Variants in VPS54 observed in about 807,000 individuals in gnomAD.
VPS54 encodes vacuolar protein sorting-associated protein 54.
A neutral mutation model predicts 121.5 loss-of-function variants in VPS54; 45 were observed. The observed-to-expected ratio is 0.37, with a 90% confidence interval of 0.29 to 0.47. The LOEUF is 0.47. Ranked by LOEUF, VPS54 falls within the 20% of genes least tolerant of loss-of-function variation. The pLI, the probability that VPS54 is intolerant of heterozygous loss-of-function variation, is 0.99. For missense variants in VPS54, 1,090 were observed against 1,131.4 expected (o/e 0.96, Z 0.52); for synonymous variants, 371 against 385.8 (o/e 0.96, Z 0.45).
intron 5 of VPS54, among the ~76,000 whole-genome samples, chr2:63,966,732 A>AT (rs1676018761): frequency 6.6e-6 from 1 of 152,170 alleles, no homozygotes; most frequent in Non-Finnish European, 1.5e-5. Flanking sequence ...AAAACCCTTC[A>AT]TTGTTTTTCT....
At chr2:63,928,318 G>A (rs1208759018) in intron 12 of VPS54, among the ~76,000 whole-genome samples, 1 of 152,194 alleles carries the variant, frequency 6.6e-6, no homozygotes, top group African/African-American at 2.4e-5. Context: ...GGATGTCTCT[G>A]CAGAAATCCT....
At chr2:63,932,908 T>C (rs1454637077) in intron 12 of VPS54, among the ~76,000 whole-genome samples, 1 of 152,140 alleles carries the variant, frequency 6.6e-6, no homozygotes, top group Non-Finnish European at 1.5e-5. Context: ...ATCAGTATAC[T>C]AAGGTTATAT....
chr2:63,968,103 TTTTTG>T (rs1376873387), intron 5 of VPS54, among the ~76,000 whole-genome samples: 3 of 151,458 alleles, frequency 2.0e-5, no homozygotes, highest in African/African-American at 4.9e-5. Flanking sequence ...CCTTCTACCT[TTTTTG>T]TGTCTTTCAT....
chr2:63,908,323 T>G (rs1672990100), intron 20 of VPS54, among the ~76,000 whole-genome samples: 1 of 152,100 alleles, frequency 6.6e-6, no homozygotes, highest in Non-Finnish European at 1.5e-5. Flanking sequence ...GTAGACTACA[T>G]TCTGTATAAT....
chr2:63,948,069 G>A (rs56015711), intron 8 of VPS54, among the ~76,000 whole-genome samples: 3 of 151,934 alleles, frequency 2.0e-5, no homozygotes, highest in South Asian at 2.1e-4. Context: ...GGGCTCAAAC[G>A]ATCCTCTAGC....
At chr2:63,953,430 G>T (rs1328119638) in intron 7 of VPS54, among the ~76,000 whole-genome samples, 1 of 152,098 alleles carries the variant, frequency 6.6e-6, no homozygotes, top group Non-Finnish European at 1.5e-5. Flanking sequence ...ACGCTACCCA[G>T]CCACCCCTAG....
chr2:63,994,009 CAGG>C (rs995462818), intron 1 of VPS54, among the ~76,000 whole-genome samples: 18 of 152,190 alleles, frequency 1.2e-4, no homozygotes, highest in Admixed American at 4.6e-4. Context: ...TGTGTGTCAC[CAGG>C]AGATCATCAA....
In VPS54 at chr2:63,965,157, T is replaced by C. The variant is rs563242977; in HGVS notation, c.624+678A>G. Among the ~76,000 whole-genome samples the C allele has an allele frequency of 3.1e-4, 47 of 152,290 alleles. 1 individual carries two copies. The East Asian group carries it at 8.9e-3, about 29-fold the overall frequency. ...AGTACCTCGGAAAATATTGGTTTTC[T>C]GTGCTTTAAATCATTCTTATAAAAT... On this transcript the variant is annotated intron_variant, in intron 6 of 22. Coordinates refer to ENST00000272322, the MANE Select transcript of VPS54 (RefSeq NM_016516.3).
At position 63,962,222 on chromosome 2, in the gene VPS54, A is replaced by G; in HGVS notation, c.846T>C (p.Asn282=). 1.2e-6 allele frequency: 2 copies of G among 1,614,022 alleles called. No individual in the cohort carries two copies. Among genetic ancestry groups the G allele is most frequent in the Non-Finnish European group, 8.5e-7 (1 of 1,179,900 alleles). Residue 282 remains asparagine, a synonymous_variant, in exon 7 of 23, where the codon AAT becomes AAC. Coordinates refer to ENST00000272322, the MANE Select transcript of VPS54 (RefSeq NM_016516.3). Reference sequence around the variant, plus strand: ...TCAGCTTATTGTATACTTTAACACAATTATTTCTGGTAAGTGCCAGTCTTA... The same window carrying G: ...TCAGCTTATTGTATACTTTAACACAGTTATTTCTGGTAAGTGCCAGTCTTA... The part of the protein sequence containing the change: ...HILRLALTRN[N]CVKVYNKLKL...
At chr2:64,018,902 G>A (rs2104723866) in intron 1 of VPS54, 36 bp downstream of exon 1, 1 of 151,152 alleles carries the variant, frequency 6.6e-6, no homozygotes, top group East Asian at 1.9e-4. Context: ...GGTGAGAGTG[G>A]GCTGAGACGC....
intron 12 of VPS54, among the ~76,000 whole-genome samples, chr2:63,929,621 C>A (rs1185479352): frequency 3.3e-5 from 5 of 150,126 alleles, no homozygotes; most frequent in African/African-American, 9.8e-5. Flanking sequence ...GAAGCAAGAG[C>A]AAACACATTC....
intron 1 of VPS54, among the ~76,000 whole-genome samples, chr2:64,003,952 G>T (rs147538400): frequency 2.0e-5 from 3 of 152,102 alleles, no homozygotes; most frequent in Non-Finnish European, 4.4e-5. Flanking sequence ...GAAAGAATAT[G>T]TAACTCCAGA....
At chr2:63,990,045 T>TG (rs1677240369) in intron 1 of VPS54, among the ~76,000 whole-genome samples, 1 of 152,226 alleles carries the variant, frequency 6.6e-6, no homozygotes, top group Non-Finnish European at 1.5e-5. Flanking sequence ...TGTCACTTTT[T>TG]GGGGTGATTG....
intron 4 of VPS54, among the ~76,000 whole-genome samples, chr2:63,970,205 AT>A (rs1439396063): frequency 6.3e-5 from 4 of 63,376 alleles, no homozygotes; most frequent in Admixed American, 4.5e-4. Flanking sequence ...AAAAAAAAAT[AT>A]ATATATACAC....
chr2:63,979,365 G>A (rs892498801), intron 3 of VPS54, among the ~76,000 whole-genome samples: 1 of 151,150 alleles, frequency 6.6e-6, no homozygotes, highest in African/African-American at 2.4e-5. Context: ...TCAGCCTCCT[G>A]AGTAGCTGGG....
chr2:63,894,344 G>C (rs1672350396), intron 22 of VPS54, among the ~76,000 whole-genome samples: 1 of 152,134 alleles, frequency 6.6e-6, no homozygotes, highest in Non-Finnish European at 1.5e-5. Context: ...AGTATGGCAT[G>C]GTTATAATGG....
At chr2:64,012,711 GAAAAT>G (rs371324799) in intron 1 of VPS54, among the ~76,000 whole-genome samples, 4,312 of 147,936 alleles carry the variant, frequency 0.029, 188 homozygotes, top group African/African-American at 0.099. Flanking sequence ...AAAAAGAAAA[GAAAAT>G]TTCAAGCACC....
chr2:63,961,943 G>A, intron 7 of VPS54, 115 bp downstream of exon 7: 1 of 1,127,812 alleles, frequency 8.9e-7, no homozygotes, highest in Non-Finnish European at 1.2e-6. Context: ...GATCAATCTG[G>A]AAGAAAAAAT....
At chr2:63,937,098 C>T (rs1313466866) in intron 11 of VPS54, among the ~76,000 whole-genome samples, 2 of 152,070 alleles carry the variant, frequency 1.3e-5, no homozygotes, top group Admixed American at 1.3e-4. Context: ...GCATTGATTT[C>T]TTGGATATGA....
Sources: gnomAD v4.1 joint callset for allele counts (sites outside exome capture counted in the v4.1 genomes callset) on GRCh38, gnomAD v4.1.1 for gene constraint, MANE v1.5 for transcripts, NCBI Gene and HGNC (gene_info 2026-07-23, HGNC 2026-07-21) for gene names.